KLHL24: variants seen among roughly 807,000 people sequenced by gnomAD.
The protein encoded by KLHL24 is kelch like family member 24.
KLHL24 carries 29 observed loss-of-function variants against 53.4 expected under a neutral mutation model. The ratio of observed to expected loss-of-function variants is 0.54; its 90% CI spans 0.40 to 0.74. The LOEUF (loss-of-function observed/expected upper bound fraction) is 0.74. Among genes scored for constraint, KLHL24 ranks in the 30% least tolerant of loss-of-function variants. The probability of loss-of-function intolerance (pLI) is 0.00; values close to 1 mark genes in which losing one functional copy is unlikely to be tolerated. For missense variants in KLHL24, 504 were observed against 744.0 expected (o/e 0.68, Z 3.75); for synonymous variants, 222 against 253.7 (o/e 0.88, Z 1.19).
chr3:183,677,337 G>T (rs377333612), intron 7 of KLHL24, among the ~76,000 whole-genome samples: 1 of 152,048 alleles, frequency 6.6e-6, no homozygotes, highest in South Asian at 2.1e-4. Context: ...TATAGAAAGC[G>T]CTTATTGTGC....
chr3:183,679,396 A>G lies in KLHL24; in HGVS notation c.*110A>G. ...TTTGTGCCATATGCAAAAAATAGTA[A>G]AAATAATAATTTGGTGCCTTTCTCC... On this transcript the variant is annotated 3_prime_UTR_variant, in exon 8 of 8. Transcript: ENST00000242810. 1 of 705,638 alleles carries G rather than the reference A, an allele frequency of 1.4e-6. No homozygotes were observed. Among genetic ancestry groups the G allele is most frequent in the South Asian group, 1.9e-5 (1 of 52,684 alleles). The allele number at this position is 705,638 out of a possible 1,614,324, so 43.7% of individuals were successfully genotyped here.
chr3:183,645,750 G>A (rs10513794), intron 2 of KLHL24, among the ~76,000 whole-genome samples: 24,990 of 152,132 alleles, frequency 0.16, 2,180 homozygotes, highest in East Asian at 0.32. Context: ...TAATTGGGTC[G>A]AAGTTAAAAA....
chr3:183,645,253 A>G (rs1717056004), intron 2 of KLHL24, among the ~76,000 whole-genome samples: 1 of 152,218 alleles, frequency 6.6e-6, no homozygotes, highest in African/African-American at 2.4e-5. Flanking sequence ...AACTTTTTGA[A>G]GTTTCACCAA....
chr3:183,682,942 T>G lies in KLHL24; in HGVS notation c.*3656T>G, dbSNP rs888429269. On this transcript the variant is annotated 3_prime_UTR_variant, in exon 8 of 8. Coordinates refer to ENST00000242810, the MANE Select transcript of KLHL24 (RefSeq NM_017644.3). The stretch of plus-strand genomic sequence containing the variant: ...CTTCAAACTGTATTTTTTTCGTTTT[T>G]TTTTTTTTTTGGGGAAGGGGGGAGA... 1.3e-5 allele frequency: 2 copies of G among 150,536 alleles called. No individual in the cohort carries two copies. Among genetic ancestry groups the G allele is most frequent in the Non-Finnish European group, 2.9e-5 (2 of 67,994 alleles). The allele number at this position is 150,536 out of a possible 1,614,324, so 9.3% of individuals were successfully genotyped here. A position where few individuals can be genotyped will look rare whatever the true frequency, so the allele number is the denominator to read the frequency against.
At chr3:183,641,833 G>A (rs187234063) in intron 1 of KLHL24, among the ~76,000 whole-genome samples, 169 of 152,222 alleles carry the variant, frequency 1.1e-3, no homozygotes, top group African/African-American at 3.9e-3. Context: ...GTACACTCAC[G>A]CTGTAGATTA....
rs1205700916 is a variant in KLHL24, at chr3:183,684,334, A to C, written c.*5048A>C. ...TTCAATTAGAGGCTCCAGAGTCTTC[A>C]TAGTGGAAAGAATGCTTTGTATTTA... On this transcript the variant is annotated 3_prime_UTR_variant, in exon 8 of 8. Transcript: ENST00000242810. 6.6e-6 allele frequency: 1 copy of C among 152,650 alleles called. No individual in the cohort carries two copies. Among genetic ancestry groups the C allele is most frequent in the African/African-American group, 2.4e-5 (1 of 41,466 alleles). The allele number at this position is 152,650 out of a possible 1,614,324, so 9.5% of individuals were successfully genotyped here.
intron 2 of KLHL24, among the ~76,000 whole-genome samples, chr3:183,648,159 A>G (rs965354233): frequency 6.6e-6 from 1 of 152,242 alleles, no homozygotes; most frequent in Non-Finnish European, 1.5e-5. Flanking sequence ...AAGTAAATTC[A>G]GTGAGAGAAT....
At chr3:183,673,706 A>G (rs1721680595) in intron 7 of KLHL24, among the ~76,000 whole-genome samples, 1 of 151,518 alleles carries the variant, frequency 6.6e-6, no homozygotes, top group South Asian at 2.1e-4. Context: ...TACACATACC[A>G]CTCTAGAGAT....
intron 3 of KLHL24, among the ~76,000 whole-genome samples, chr3:183,659,546 T>C (rs189504323): frequency 1.4e-3 from 207 of 152,278 alleles, no homozygotes; most frequent in African/African-American, 4.7e-3. Flanking sequence ...AAGAAAAGGA[T>C]ACGAGAATCA....
chr3:183,636,464 G>A (rs2271978), intron 1 of KLHL24: 9,862 of 152,316 alleles, frequency 0.065, 453 homozygotes, highest in East Asian at 0.17. Context: ...GCCGTCCCCG[G>A]GGAGCCGGGG....
chr3:183,652,304 C>T (rs1053213664), intron 3 of KLHL24, among the ~76,000 whole-genome samples: 2 of 152,068 alleles, frequency 1.3e-5, no homozygotes, highest in African/African-American at 4.8e-5. Context: ...GAAAAATAAT[C>T]TCCATGCCTT....
In KLHL24 at chr3:183,672,404, G is replaced by A. The variant is rs748605861; in HGVS notation, c.1522G>A (p.Gly508Ser). 5 of 1,613,616 alleles carry A rather than the reference G, an allele frequency of 3.1e-6. No homozygotes were observed. Among genetic ancestry groups the A allele is most frequent in the South Asian group, 1.1e-5 (1 of 91,030 alleles). Residue 508 changes from glycine (G) to serine (S), a missense_variant, in exon 7 of 8, where the codon GGT becomes AGT. Physicochemically the swap from Gly to Ser is moderately conservative, Grantham distance 56 (BLOSUM62 0). Coordinates refer to ENST00000242810, the MANE Select transcript of KLHL24 (RefSeq NM_017644.3). The part of the protein sequence containing the change: ...VSLNNLIYVA[G>S]GLTKAIYCYD... Reference sequence around the variant, plus strand: ...CCTAAACAACCTGATCTATGTTGCCGGTGGACTGACCAAGGCAATATACTG... The same window carrying A: ...CCTAAACAACCTGATCTATGTTGCCAGTGGACTGACCAAGGCAATATACTG...
At chr3:183,666,290 C>A (rs529546783) in intron 5 of KLHL24, among the ~76,000 whole-genome samples, 68 of 151,974 alleles carry the variant, frequency 4.5e-4, no homozygotes, top group African/African-American at 1.6e-3. Flanking sequence ...TAGACAGGTT[C>A]TCACTCTGTT....
rs1330786978 is a variant in KLHL24 at position 183,663,575 on chromosome 3, T to C, written c.1038T>C (p.Ala346=). Residue 346 remains alanine, a synonymous_variant, in exon 4 of 8, where the codon GCT becomes GCC. Coordinates refer to ENST00000242810, the MANE Select transcript of KLHL24 (RefSeq NM_017644.3). This position sits in a 1 kb window ranked among gnomAD's most constrained non-coding sequence, Gnocchi z 4.9. ...TAACAGGAGAATGGAAGTCTTTGGC[T>C]AAGCTTCCAGAATTTACCAAATCAG... is the stretch of plus-strand genomic sequence containing the variant. The part of the protein sequence containing the change: ...DPVTGEWKSL[A]KLPEFTKSEY... The C allele has an allele frequency of 6.2e-7, 1 of 1,608,276 alleles. No homozygotes were observed. The highest frequency in any genetic ancestry group is 8.5e-7 in the Non-Finnish European group (1 of 1,176,384).
chr3:183,655,394 G>C (rs1718702971), intron 3 of KLHL24, among the ~76,000 whole-genome samples: 1 of 152,210 alleles, frequency 6.6e-6, no homozygotes, highest in Non-Finnish European at 1.5e-5. Flanking sequence ...GGGAGGCCAA[G>C]GCATGGGGGT....
chr3:183,661,786 T>C (rs1240743039), intron 3 of KLHL24, among the ~76,000 whole-genome samples: 1 of 152,198 alleles, frequency 6.6e-6, no homozygotes, highest in East Asian at 1.9e-4. Flanking sequence ...AAGGAAAGGA[T>C]AAAACAAAAT....
intron 4 of KLHL24, among the ~76,000 whole-genome samples, chr3:183,664,697 T>C (rs144467898): frequency 3.0e-3 from 463 of 152,370 alleles, no homozygotes; most frequent in African/African-American, 0.011. Context: ...TTTGGATCTA[T>C]AATTATCACT....
chr3:183,675,784 AAAAG>A lies in KLHL24; in HGVS notation c.1603-3294_1603-3291del, dbSNP rs574539281. Among the ~76,000 whole-genome samples, 1,193 of 152,230 alleles carry A rather than the reference AAAAG, an allele frequency of 7.8e-3. 9 individuals carry two copies. Among genetic ancestry groups the A allele is most frequent in the Non-Finnish European group, 0.011 (747 of 68,018 alleles). ...CCTGTCTCAAAAAAAATTTAAAAAA[AAAAG>A]AAAGAAAAAAGAAAAAGAATTACCA... is the stretch of plus-strand genomic sequence containing the variant. On this transcript the variant is annotated intron_variant, in intron 7 of 7. Coordinates refer to ENST00000242810, the MANE Select transcript of KLHL24 (RefSeq NM_017644.3).
At chr3:183,667,468 G>A (rs1436194154) in intron 5 of KLHL24, among the ~76,000 whole-genome samples, 1 of 152,070 alleles carries the variant, frequency 6.6e-6, no homozygotes, top group African/African-American at 2.4e-5. Flanking sequence ...TCAGATCAGC[G>A]CACATTAGGT....
Sources: gnomAD v4.1 joint callset for allele counts (sites outside exome capture counted in the v4.1 genomes callset) on GRCh38, gnomAD v4.1.1 for gene constraint, Gnocchi (gnomAD v3.1) non-coding constraint, MANE v1.5 for transcripts, NCBI Gene and HGNC (gene_info 2026-07-23, HGNC 2026-07-21) for gene names.